HS1BP3: variants seen among roughly 807,000 people sequenced by gnomAD.
HS1BP3 encodes the protein HCLS1-binding protein 3.
Under a neutral mutation model 33.5 loss-of-function variants are expected in HS1BP3, and 32 were observed. The ratio of observed to expected loss-of-function variants is 0.95; its 90% CI spans 0.72 to 1.28. HS1BP3 has a LOEUF of 1.28. Ranked by LOEUF, HS1BP3 falls within the 50% of genes most tolerant of loss-of-function variation. The pLI is 0.00. For synonymous variants in HS1BP3, 187 were observed against 209.2 expected (o/e 0.89, Z 0.92); for missense variants, 486 against 502.3 (o/e 0.97, Z 0.31).
chr2:20,585,732 C>T (rs77731361), intron 5 of HS1BP3, among the ~76,000 whole-genome samples: 3,541 of 152,348 alleles, frequency 0.023, 41 homozygotes, highest in Middle Eastern at 0.027. Context: ...TCCAGCCCCA[C>T]GCTTGGCCAT....
Position 20,651,060 on chromosome 2 carries a change from G to GCATGACGGCGGCGGGGACTC in HS1BP3, c.-17_3dup (p.Gln2GlufsTer28), listed in dbSNP as rs1440859218. ...GAGGTGACGAGCACCGCCGGGGACT[G>GCATGACGGCGGCGGGGACTC]CATGACGGCGGCGGGGACTCCGGGC... On this transcript the variant is annotated frameshift_variant, in exon 1 of 7. Transcript: ENST00000304031. LOFTEE classifies it high-confidence loss of function. 2.9e-5 allele frequency: 36 copies of GCATGACGGCGGCGGGGACTC among 1,235,652 alleles called. No individual in the cohort carries two copies. Among genetic ancestry groups the GCATGACGGCGGCGGGGACTC allele is most frequent in the South Asian group, 1.2e-4 (3 of 24,686 alleles). 76.5% of individuals were successfully genotyped at this position (1,235,652 alleles called of 1,614,324 possible).
chr2:20,608,851 G>A (rs141433655), intron 2 of HS1BP3, among the ~76,000 whole-genome samples: 390 of 152,140 alleles, frequency 2.6e-3, no homozygotes, highest in African/African-American at 8.6e-3. Flanking sequence ...AGTTTTTTGC[G>A]GAGTTCCTAT....
intron 3 of HS1BP3, among the ~76,000 whole-genome samples, chr2:20,594,923 G>A (rs1693909240): frequency 1.3e-5 from 2 of 152,088 alleles, no homozygotes; most frequent in East Asian, 1.9e-4. Context: ...TCTGTCCTAT[G>A]CCCTAATCTC....
At chr2:20,608,890 T>G (rs534430254) in intron 2 of HS1BP3, among the ~76,000 whole-genome samples, 1 of 152,326 alleles carries the variant, frequency 6.6e-6, no homozygotes, top group Admixed American at 6.5e-5. Flanking sequence ...CAACTAGTCA[T>G]GCATCTCTCC....
At chr2:20,641,430 C>T (rs1030499240) in intron 2 of HS1BP3, among the ~76,000 whole-genome samples, 5 of 152,194 alleles carry the variant, frequency 3.3e-5, no homozygotes, top group Admixed American at 2.6e-4. Flanking sequence ...TGGACACTGT[C>T]ACAGGTCCAG....
intron 5 of HS1BP3, among the ~76,000 whole-genome samples, chr2:20,572,597 A>T (rs919816089): frequency 2.0e-5 from 3 of 151,968 alleles, no homozygotes; most frequent in African/African-American, 7.3e-5. Flanking sequence ...CAGTATCCTT[A>T]TCTGTAAAAT....
At chr2:20,587,959 A>G (rs777924472), downstream of HS1BP3, among the ~76,000 whole-genome samples, 5 of 151,836 alleles carry the variant, frequency 3.3e-5, no homozygotes, top group Admixed American at 6.6e-5. Flanking sequence ...GCTGTTCCAC[A>G]ATCTCCTCCA....
chr2:20,631,572 C>A (rs1305636281), intron 4 of HS1BP3, among the ~76,000 whole-genome samples: 1 of 143,992 alleles, frequency 6.9e-6, no homozygotes, highest in Non-Finnish European at 1.5e-5. Flanking sequence ...CCAGGGAGGT[C>A]ACCATGAACG....
chr2:20,623,748 A>C, intron 6 of HS1BP3, 148 bp downstream of exon 6: 1 of 875,878 alleles, frequency 1.1e-6, no homozygotes. Flanking sequence ...CCTCTCACCC[A>C]ATGTGCACCC....
At chr2:20,606,693 G>T (rs16987893) in intron 2 of HS1BP3, 16,391 of 282,172 alleles carry the variant, frequency 0.058, 632 homozygotes, top group African/African-American at 0.093. Flanking sequence ...CTACAGCCTC[G>T]CTAAGATGTC....
chr2:20,646,941 G>C (rs144883290), intron 1 of HS1BP3, among the ~76,000 whole-genome samples: 3 of 152,244 alleles, frequency 2.0e-5, no homozygotes, highest in African/African-American at 7.2e-5. Flanking sequence ...GGTCTCACCC[G>C]GCATGAGGTG....
At chr2:20,646,381 G>A (rs1357059288) in intron 1 of HS1BP3, among the ~76,000 whole-genome samples, 2 of 152,094 alleles carry the variant, frequency 1.3e-5, no homozygotes, top group African/African-American at 4.8e-5. Flanking sequence ...CCTGTGTCTG[G>A]GGCAAGGCCC....
intron 2 of HS1BP3, among the ~76,000 whole-genome samples, chr2:20,600,565 A>C (rs1694050672): frequency 6.6e-6 from 1 of 152,200 alleles, no homozygotes; most frequent in South Asian, 2.1e-4. Context: ...TGCGTAACAC[A>C]CAGACCAACC....
chr2:20,607,113 T>C (rs937647658), intron 2 of HS1BP3, among the ~76,000 whole-genome samples: 2 of 152,062 alleles, frequency 1.3e-5, no homozygotes, highest in East Asian at 1.9e-4. Flanking sequence ...CTTTGATTTA[T>C]GTTGAGTTAA....
chr2:20,630,631 C>A lies in HS1BP3; in HGVS notation c.624-5739G>T, dbSNP rs146828042. Among the ~76,000 whole-genome samples the A allele has an allele frequency of 1.3e-3, 194 of 152,268 alleles. 1 individual carries two copies. Among genetic ancestry groups the A allele is most frequent in the African/African-American group, 4.5e-3 (186 of 41,538 alleles). On this transcript the variant is annotated intron_variant, in intron 4 of 6. Transcript: ENST00000304031. ...AATAAATGGACTTCTGAAATTCACA[C>A]CAGGACAATGTTATTTGCAACAGCA...
At chr2:20,606,635 T>C in intron 2 of HS1BP3, 1 of 467,268 alleles carries the variant, frequency 2.1e-6, no homozygotes, top group Non-Finnish European at 4.3e-6. Flanking sequence ...TTTCTTCTTC[T>C]TCTTGTCCTT....
downstream of HS1BP3, among the ~76,000 whole-genome samples, chr2:20,558,149 G>A (rs965373977): frequency 6.6e-6 from 1 of 152,206 alleles, no homozygotes; most frequent in Non-Finnish European, 1.5e-5. Flanking sequence ...AGCCAGGGAT[G>A]GGGGTGCAGA....
At chr2:20,585,780 T>C (rs1055676968) in intron 5 of HS1BP3, among the ~76,000 whole-genome samples, 3 of 152,242 alleles carry the variant, frequency 2.0e-5, no homozygotes, top group Non-Finnish European at 4.4e-5. Context: ...GCGTGCACAA[T>C]ACCGTTCGCT....
At chr2:20,615,281 G>A (rs536675581), downstream of HS1BP3, among the ~76,000 whole-genome samples, 6 of 152,362 alleles carry the variant, frequency 3.9e-5, no homozygotes, top group East Asian at 1.9e-4. Flanking sequence ...AACCCTGGCC[G>A]TTTGTGCCCA....
Sources: gnomAD v4.1 joint callset for allele counts (sites outside exome capture counted in the v4.1 genomes callset) on GRCh38, gnomAD v4.1.1 for gene constraint, MANE v1.5 for transcripts, NCBI Gene and HGNC (gene_info 2026-07-23, HGNC 2026-07-21) for gene names.